Variants in RYK observed in about 807,000 individuals in gnomAD.
RYK encodes inactive tyrosine-protein kinase RYK.
A neutral mutation model predicts 70.2 loss-of-function variants in RYK; 21 were observed. The observed-to-expected ratio is 0.30, with a 90% CI of 0.21 to 0.43. The LOEUF is 0.43. Ranked by LOEUF, RYK falls within the 20% of genes least tolerant of loss-of-function variation. The pLI is 1.00. For synonymous variants in RYK, 267 were observed against 278.0 expected (o/e 0.96, Z 0.39); for missense variants, 604 against 753.3 (o/e 0.80, Z 2.32).
intron 11 of RYK, 108 bp from the exon 12 acceptor site, chr3:134,176,147 A>T (rs1419560541): frequency 1.5e-6 from 1 of 684,542 alleles, no homozygotes; most frequent in Non-Finnish European, 2.6e-6. Flanking sequence ...ACTGCTTTAA[A>T]CCTACACACA....
intron 1 of RYK, among the ~76,000 whole-genome samples, chr3:134,232,890 GAGAA>G (rs2015099021): frequency 6.6e-6 from 1 of 152,218 alleles, no homozygotes; most frequent in Non-Finnish European, 1.5e-5. Context: ...AACTTTCAGT[GAGAA>G]AGAAAAAGAT....
chr3:134,176,981 G>C (rs1214558415), intron 11 of RYK, among the ~76,000 whole-genome samples: 1 of 152,124 alleles, frequency 6.6e-6, no homozygotes, highest in Non-Finnish European at 1.5e-5. Context: ...CTGGGAGGCA[G>C]AGCTGGCAGT....
chr3:134,249,107 A>G (rs2107701303), intron 1 of RYK, among the ~76,000 whole-genome samples: 1 of 152,298 alleles, frequency 6.6e-6, no homozygotes, highest in East Asian at 1.9e-4. Flanking sequence ...AATTAATGTG[A>G]TATGAGTCGT....
intron 5 of RYK, among the ~76,000 whole-genome samples, chr3:134,204,355 C>T (rs1479248923): frequency 2.6e-5 from 4 of 151,468 alleles, no homozygotes; most frequent in Non-Finnish European, 4.4e-5. Flanking sequence ...AAAAATTAGC[C>T]GTGTATGGTG....
intron 9 of RYK, among the ~76,000 whole-genome samples, chr3:134,183,974 A>G (rs1417029933): frequency 1.3e-5 from 2 of 152,198 alleles, no homozygotes; most frequent in Admixed American, 6.5e-5. Flanking sequence ...TATGATGGCT[A>G]CTTTTCAAGA....
intron 13 of RYK, among the ~76,000 whole-genome samples, chr3:134,162,579 T>C (rs1312755189): frequency 1.3e-5 from 2 of 152,120 alleles, no homozygotes; most frequent in Admixed American, 6.5e-5. Flanking sequence ...TGCTTAAAAA[T>C]GGAAAAATGA....
chr3:134,219,349 GA>G (rs2014662812), intron 2 of RYK, among the ~76,000 whole-genome samples: 1 of 152,108 alleles, frequency 6.6e-6, no homozygotes, highest in Non-Finnish European at 1.5e-5. Flanking sequence ...TGTTTTAAAG[GA>G]ATCAGTAAAA....
chr3:134,175,310 T>C (rs1576505142), intron 13 of RYK, among the ~76,000 whole-genome samples: 2 of 147,762 alleles, frequency 1.4e-5, no homozygotes, highest in South Asian at 4.2e-4. Context: ...GCCATTGCAC[T>C]CCAGCCTGGG....
chr3:134,191,626 T>A (rs2013644059), intron 8 of RYK, among the ~76,000 whole-genome samples: 1 of 152,182 alleles, frequency 6.6e-6, no homozygotes, highest in African/African-American at 2.4e-5. Flanking sequence ...ATAATATACG[T>A]GCTTTAATAT....
rs1553770357 is a variant in RYK, at chr3:134,190,555, T to TTA, written c.1015+1293_1015+1294insTA. ...CTTTTTACTTTTTCACAAACTAACG[T>TTA]AAAAAAAAAAAATCGCATGTAACTA... On this transcript the variant is annotated intron_variant, in intron 8 of 14. Coordinates refer to ENST00000623711, the MANE Select transcript of RYK (RefSeq NM_002958.4). 3.0e-3 allele frequency among the ~76,000 whole-genome samples: 444 copies of TTA among 146,890 alleles called. 1 individual carries two copies. Among genetic ancestry groups the TTA allele is most frequent in the African/African-American group, 0.01 (415 of 40,352 alleles).
chr3:134,161,784 A>G (rs2108139216), intron 13 of RYK, among the ~76,000 whole-genome samples: 1 of 151,338 alleles, frequency 6.6e-6, no homozygotes, highest in East Asian at 1.9e-4. Flanking sequence ...TTCCACAAAG[A>G]AAACTCAACA....
chr3:134,228,810 T>A (rs2014978067), intron 1 of RYK, among the ~76,000 whole-genome samples: 1 of 152,144 alleles, frequency 6.6e-6, no homozygotes, highest in African/African-American at 2.4e-5. Context: ...GAGTCACTAG[T>A]TAACAGTAAA....
chr3:134,170,239 G>A (rs1023158866), intron 13 of RYK, among the ~76,000 whole-genome samples: 3 of 152,178 alleles, frequency 2.0e-5, no homozygotes, highest in African/African-American at 7.2e-5. Context: ...GCACTTTCTA[G>A]GAGTTAACCA....
At chr3:134,239,998 A>G (rs1321994245) in intron 1 of RYK, among the ~76,000 whole-genome samples, 1 of 152,190 alleles carries the variant, frequency 6.6e-6, no homozygotes, top group Non-Finnish European at 1.5e-5. Context: ...AAGGGAACTG[A>G]GTGGTGCAGG....
intron 1 of RYK, among the ~76,000 whole-genome samples, chr3:134,239,436 T>C (rs1178294818): frequency 1.3e-5 from 2 of 151,826 alleles, no homozygotes; most frequent in African/African-American, 4.8e-5. Context: ...CACTCCAGCC[T>C]GGGCAACAAA....
chr3:134,207,798 G>A (rs182851204), intron 4 of RYK, among the ~76,000 whole-genome samples: 1 of 152,236 alleles, frequency 6.6e-6, no homozygotes, highest in Non-Finnish European at 1.5e-5. Flanking sequence ...TGTCTCTTTG[G>A]AGCTTCACAG....
intron 9 of RYK, among the ~76,000 whole-genome samples, chr3:134,185,785 A>G (rs971739367): frequency 6.6e-6 from 1 of 152,204 alleles, no homozygotes; most frequent in Admixed American, 6.5e-5. Context: ...AAGGAGATCT[A>G]AGTACAACAA....
intron 13 of RYK, among the ~76,000 whole-genome samples, chr3:134,169,145 A>G (rs952808755): frequency 9.2e-5 from 14 of 152,206 alleles, no homozygotes; most frequent in African/African-American, 3.4e-4. Flanking sequence ...GCCATAAACC[A>G]TGCTGATAAT....
At chr3:134,227,144 A>T (rs1247861651) in intron 1 of RYK, among the ~76,000 whole-genome samples, 1 of 152,214 alleles carries the variant, frequency 6.6e-6, no homozygotes, top group Non-Finnish European at 1.5e-5. Flanking sequence ...TATTAGCAAC[A>T]ACTAGAAAAT....
Sources: allele counts gnomAD v4.1 joint callset (sites outside exome capture counted in the v4.1 genomes callset), GRCh38; gene constraint gnomAD v4.1.1; transcripts MANE v1.5; gene names NCBI Gene and HGNC (gene_info 2026-07-23, HGNC 2026-07-21).